The following TBC1D10C variants were observed in gnomAD, a reference collection of about 807,000 sequenced individuals.
TBC1D10C encodes carabin.
Under a neutral mutation model 51.0 loss-of-function variants are expected in TBC1D10C, and 49 were observed. That is an observed-to-expected ratio of 0.96 (90% confidence interval 0.76 to 1.22). TBC1D10C has a LOEUF of 1.22. TBC1D10C is among the 50% of genes most tolerant of loss of function. TBC1D10C has a pLI of 0.00. For synonymous variants in TBC1D10C, 281 were observed against 266.7 expected (o/e 1.05, Z -0.52); for missense variants, 541 against 617.5 (o/e 0.88, Z 1.31).
chr11:67,407,103 C>T, intron 7 of TBC1D10C, 87 bp downstream of exon 7: 1 of 1,427,638 alleles, frequency 7.0e-7, no homozygotes, highest in Middle Eastern at 2.6e-4. Context: ...CCTTTTTGAG[C>T]CTCAAATCAC....
intron 1 of TBC1D10C, 108 bp downstream of exon 1, chr11:67,404,462 G>A (rs1863058883): frequency 3.2e-6 from 4 of 1,243,586 alleles, no homozygotes; most frequent in Non-Finnish European, 3.2e-6. Context: ...GATTGGGAGG[G>A]GGACTCAGCC....
chr11:67,404,598 C>T (rs143646789), intron 1 of TBC1D10C, among the ~76,000 whole-genome samples: 30 of 152,278 alleles, frequency 2.0e-4, no homozygotes, highest in African/African-American at 7.2e-4. Context: ...ACATCCTTCC[C>T]CTTTGAACCT....
intron 8 of TBC1D10C, 136 bp from the exon 9 acceptor site, chr11:67,409,271 C>T (rs1351105577): frequency 1.4e-6 from 2 of 1,385,784 alleles, no homozygotes; most frequent in East Asian, 2.5e-5. Context: ...AAACCTGAGG[C>T]CTCCAGTGGC....
chr11:67,406,426 C>A, intron 5 of TBC1D10C: 1 of 600,428 alleles, frequency 1.7e-6, no homozygotes, highest in Non-Finnish European at 3.0e-6. Context: ...CACCCTAAAC[C>A]CCTCAGCAGA....
intron 7 of TBC1D10C, 74 bp downstream of exon 7, chr11:67,407,090 T>G (rs1590947214): frequency 1.3e-6 from 2 of 1,498,426 alleles, no homozygotes; most frequent in Non-Finnish European, 1.8e-6. Flanking sequence ...AGCTCCAGGG[T>G]TCCCTTTTTG....
Position 67,409,013 on chromosome 11 carries a change from G to A in TBC1D10C, c.873G>A (p.Leu291=), listed in dbSNP as rs762054648. Residue 291 remains leucine, a synonymous_variant, in exon 8 of 9, where the codon CTG becomes CTA. Transcript: ENST00000542590. The part of the protein sequence containing the change: ...ARVLFRVGLT[L]VRLALGTAEQ... ...TACTGTTCCGTGTGGGGCTGACACTGGTGCGCCTGGCGCTGGGCACTGCAG... is the reference window on the plus strand; with the variant it reads ...TACTGTTCCGTGTGGGGCTGACACTAGTGCGCCTGGCGCTGGGCACTGCAG... 41 of 1,571,950 alleles carry A rather than the reference G, an allele frequency of 2.6e-5. No homozygotes were observed. The highest frequency in any genetic ancestry group is 2.2e-4 in the Middle Eastern group (1 of 4,482).
chr11:67,408,630 C>G, intron 7 of TBC1D10C: 1 of 227,584 alleles, frequency 4.4e-6, no homozygotes, highest in Non-Finnish European at 8.6e-6. Flanking sequence ...GGTGCTCCTC[C>G]CCGGAGCCCA....
rs967962454 is a variant in TBC1D10C, at chr11:67,406,873, G to C, written c.695G>C (p.Arg232Pro). 6.2e-7 allele frequency: 1 copy of C among 1,610,192 alleles called. No individual in the cohort carries two copies. Among genetic ancestry groups the C allele is most frequent in the Admixed American group, 1.7e-5 (1 of 59,952 alleles). Residue 232 changes from arginine (R) to proline (P), a missense_variant, in exon 7 of 9, where the codon CGG becomes CCG. Physicochemically the swap from Arg to Pro is moderately radical, Grantham distance 103. Coordinates refer to ENST00000542590, the MANE Select transcript of TBC1D10C (RefSeq NM_001369496.1). ...GAGGTGTTCATGGCCCTGCTGCGGC[G>C]GCTGCTTCCGCACGTGCACAAGCAC... ...DAEVFMALLR[R>P]LLPHVHKHLQ...
intron 7 of TBC1D10C, 33 bp downstream of exon 7, chr11:67,407,049 C>A (rs767231477): frequency 1.9e-6 from 3 of 1,587,706 alleles, no homozygotes; most frequent in East Asian, 2.2e-5. Context: ...GGGGCAGGAG[C>A]CTTGGGGTGT....
In TBC1D10C at chr11:67,410,019, G is replaced by A. The variant is rs112066087; in HGVS notation, c.*265G>A. On this transcript the variant is annotated 3_prime_UTR_variant, in exon 9 of 9. Transcript: ENST00000542590. ...CACAAGTACCAAAGCCAGCACCAAAGGAGTCAGGGAAGGGGTTGGCTGAGT... is the reference window on the plus strand; with the variant it reads ...CACAAGTACCAAAGCCAGCACCAAAAGAGTCAGGGAAGGGGTTGGCTGAGT... The A allele has an allele frequency of 2.2e-3, 960 of 441,382 alleles. 4 individuals carry two copies. The highest frequency in any genetic ancestry group is 0.013 in the African/African-American group (616 of 48,018). The allele number at this position is 441,382 out of a possible 1,614,324, so 27.3% of individuals were successfully genotyped here.
chr11:67,404,293 C>G lies in TBC1D10C; in HGVS notation c.91C>G (p.Pro31Ala). 6.2e-7 allele frequency: 1 copy of G among 1,602,116 alleles called. No homozygotes were observed. The highest frequency in any genetic ancestry group is 1.3e-5 in the African/African-American group (1 of 74,440). Residue 31 changes from proline (P) to alanine (A), a missense_variant, in exon 1 of 9, where the codon CCT becomes GCT. Transcript: ENST00000542590. ...SLGSDSELSG[P>A]GPYRQADRYG... The stretch of plus-strand genomic sequence containing the variant: ...GGGGTCCGACTCAGAGCTCAGCGGG[C>G]CTGGCCCATATCGCCAGGCCGACCG...
chr11:67,404,044 C>G (rs1246691798), upstream of TBC1D10C: 3 of 893,000 alleles, frequency 3.4e-6, no homozygotes, highest in African/African-American at 5.3e-5. Context: ...CAGGGCCTAG[C>G]CCCTGCCCCC....
rs750203252 is a variant in TBC1D10C at position 67,407,010 on chromosome 11, A to G, written c.832A>G (p.Ser278Gly). Residue 278 changes from serine to glycine, a missense_variant, in exon 7 of 9, where the codon AGT becomes GGT. Coordinates refer to ENST00000542590, the MANE Select transcript of TBC1D10C (RefSeq NM_001369496.1). ...GCTGCGTGTCTGGGATGCCTTCCTCAGTGAGGGTGAGTGGGGCAGCCAGTG... is the reference window on the plus strand; with the variant it reads ...GCTGCGTGTCTGGGATGCCTTCCTCGGTGAGGGTGAGTGGGGCAGCCAGTG... ...TVLRVWDAFL[S>G]EGARVLFRVG... 6.2e-7 allele frequency: 1 copy of G among 1,609,898 alleles called. No homozygotes were observed. The highest frequency in any genetic ancestry group is 1.1e-5 in the South Asian group (1 of 90,884).
In TBC1D10C at chr11:67,404,371, AG is replaced by A; in HGVS notation, c.152+20del. On this transcript the variant is annotated intron_variant, in intron 1 of 8. Coordinates refer to ENST00000542590, the MANE Select transcript of TBC1D10C (RefSeq NM_001369496.1). ...AGAGCCAGGGTAAGGGGGCAGGGTGAGGGCTGGCGGAATGCTGGGACAGAGG... is the reference window on the plus strand; with the variant it reads ...AGAGCCAGGGTAAGGGGGCAGGGTGAGGCTGGCGGAATGCTGGGACAGAGG... 1.3e-6 allele frequency: 2 copies of A among 1,550,068 alleles called. No homozygotes were observed. Among genetic ancestry groups the A allele is most frequent in the Non-Finnish European group, 1.8e-6 (2 of 1,141,584 alleles).
At position 67,405,180 on chromosome 11, in the gene TBC1D10C, A is replaced by G; in HGVS notation, c.248A>G (p.Lys83Arg). The change falls in exon 2 of 9, where the codon AAG (lysine) becomes AGG (arginine). Residue 83 changes from lysine to arginine, a missense_variant. Transcript: ENST00000542590. ...GAGAAAACCATGTCCCGGCGGTACA[A>G]GAAGGTGAGGGGGGCAGGGGCCCCA... ...HWEKTMSRRY[K>R]KVKMQCRKGI... 1 of 1,551,334 alleles carries G rather than the reference A, an allele frequency of 6.4e-7. No individual in the cohort carries two copies. Among genetic ancestry groups the G allele is most frequent in the Non-Finnish European group, 8.7e-7 (1 of 1,146,874 alleles).
chr11:67,405,718 G>A lies in TBC1D10C; in HGVS notation c.467+17G>A. 1 of 1,612,750 alleles carries A rather than the reference G, an allele frequency of 6.2e-7. No homozygotes were observed. The highest frequency in any genetic ancestry group is 1.1e-5 in the South Asian group (1 of 91,072). On this transcript the variant is annotated intron_variant, in intron 4 of 8. Transcript: ENST00000542590. ...GGGCCACGGGTACGAGGCCGGTGATGCCCAGGGACCCCCAGCCCCACAAGC... is the reference window on the plus strand; with the variant it reads ...GGGCCACGGGTACGAGGCCGGTGATACCCAGGGACCCCCAGCCCCACAAGC...
rs1863166420 is a variant in TBC1D10C at position 67,406,474 on chromosome 11, C to T, written c.583-153C>T. 3 of 678,210 alleles carry T rather than the reference C, an allele frequency of 4.4e-6. No homozygotes were observed. In the South Asian group the frequency reaches 5.7e-5, roughly 13 times the overall value. The allele number at this position is 678,210 out of a possible 1,614,324, so 42.0% of individuals were successfully genotyped here. ...CAGAGGAGGGGGCTTTTGGGAAGGG[C>T]TTCCAGGAACTGCGCAGGTTAGGAG... is the stretch of plus-strand genomic sequence containing the variant. On this transcript the variant is annotated intron_variant, in intron 5 of 8. Coordinates refer to ENST00000542590, the MANE Select transcript of TBC1D10C (RefSeq NM_001369496.1).
In TBC1D10C at chr11:67,409,223, G is replaced by A. The variant is rs1015492930; in HGVS notation, c.993+90G>A. On this transcript the variant is annotated intron_variant, in intron 8 of 8. Coordinates refer to ENST00000542590, the MANE Select transcript of TBC1D10C (RefSeq NM_001369496.1). Reference sequence around the variant, plus strand: ...GAGCAGGAAGCCAAAGCGAGAATGGGGACTTAGTTCCTGTCCCCTGAGCTT... The same window carrying A: ...GAGCAGGAAGCCAAAGCGAGAATGGAGACTTAGTTCCTGTCCCCTGAGCTT... 6 of 1,454,612 alleles carry A rather than the reference G, an allele frequency of 4.1e-6. No individual in the cohort carries two copies. In the African/African-American group the frequency reaches 4.3e-5, roughly 10 times the overall value. The allele number at this position is 1,454,612 out of a possible 1,614,324, so 90.1% of individuals were successfully genotyped here.
Position 67,409,700 on chromosome 11 carries a change from G to A in TBC1D10C, c.1287G>A (p.Glu429=). ...LLTRARGPPI[E]GPPRPQRGST... ...CTCGGGCCCGGGGCCCCCCCATCGA[G>A]GGGCCCCCCAGGCCCCAACGAGGCT... Residue 429 remains glutamate, a synonymous_variant, in exon 9 of 9, where the codon GAG becomes GAA. Coordinates refer to ENST00000542590, the MANE Select transcript of TBC1D10C (RefSeq NM_001369496.1). 6.3e-7 allele frequency: 1 copy of A among 1,595,414 alleles called. No individual in the cohort carries two copies. Among genetic ancestry groups the A allele is most frequent in the Non-Finnish European group, 8.5e-7 (1 of 1,177,952 alleles).
Sources: allele counts gnomAD v4.1 joint callset (sites outside exome capture counted in the v4.1 genomes callset), GRCh38; gene constraint gnomAD v4.1.1; transcripts MANE v1.5; gene names NCBI Gene and HGNC (gene_info 2026-07-23, HGNC 2026-07-21).